DIP2B: variants seen among roughly 807,000 people sequenced by gnomAD.
DIP2B encodes the protein DIP2 acetate--CoA ligase B (putative).
In DIP2B, 76 loss-of-function variants were observed where a neutral mutation model predicts 198.0. That is an observed-to-expected ratio of 0.38 (90% confidence interval 0.32 to 0.46). The LOEUF (loss-of-function observed/expected upper bound fraction) is 0.46, where lower values mean the gene tolerates loss of function less well. Among genes scored for constraint, DIP2B ranks in the 20% least tolerant of loss-of-function variants. The pLI is 0.99. For missense variants in DIP2B, 1,559 were observed against 1,978.4 expected, an observed-to-expected ratio of 0.79 and a Z score of 4.02; for synonymous variants, 701 against 739.1, an observed-to-expected ratio of 0.95 and a Z score of 0.84.
intron 1 of DIP2B, among the ~76,000 whole-genome samples, chr12:50,585,229 A>AT (rs1958760077): frequency 6.6e-6 from 1 of 152,190 alleles, no homozygotes; most frequent in African/African-American, 2.4e-5. Flanking sequence ...TTTCCAGCAA[A>AT]TATTGATTGA....
At chr12:50,511,402 CT>C (rs1195708515) in intron 1 of DIP2B, among the ~76,000 whole-genome samples, 1 of 143,252 alleles carries the variant, frequency 7.0e-6, no homozygotes, top group Non-Finnish European at 1.5e-5. Context: ...AGCGATTCTC[CT>C]GCCTCAGCCT....
rs565406278 is a variant in DIP2B, at chr12:50,735,213, A to G, written c.4101+83A>G. The G allele has an allele frequency of 6.0e-5, 90 of 1,492,470 alleles. No individual in the cohort carries two copies. In the East Asian group the frequency reaches 1.9e-3, roughly 31 times the overall value. 92.5% of individuals were successfully genotyped at this position (1,492,470 alleles called of 1,614,324 possible). On this transcript the variant is annotated intron_variant, in intron 34 of 37. Coordinates refer to ENST00000301180, the MANE Select transcript of DIP2B (RefSeq NM_173602.3). Reference sequence around the variant, plus strand: ...AAAGAAACCAGAAGCCATATAATATATTAGTGTCCAGGGCAAGCCTTAATT... The same window carrying G: ...AAAGAAACCAGAAGCCATATAATATGTTAGTGTCCAGGGCAAGCCTTAATT...
chr12:50,581,632 A>C (rs1246344680), intron 1 of DIP2B, among the ~76,000 whole-genome samples: 2 of 138,266 alleles, frequency 1.4e-5, no homozygotes, highest in Non-Finnish European at 3.0e-5. Flanking sequence ...TGCTACCCAC[A>C]TTCACCACAG....
intron 1 of DIP2B, among the ~76,000 whole-genome samples, chr12:50,592,135 T>C (rs1246146004): frequency 2.0e-5 from 3 of 152,138 alleles, no homozygotes; most frequent in African/African-American, 7.2e-5. Context: ...TGCCTTGGCC[T>C]CCCAAAGTGC....
chr12:50,513,911 C>T (rs557657443), intron 1 of DIP2B, among the ~76,000 whole-genome samples: 2 of 152,038 alleles, frequency 1.3e-5, no homozygotes, highest in African/African-American at 4.8e-5. Context: ...CTTCTTTTCC[C>T]TAGAGTTTAT....
chr12:50,545,914 T>C (rs553259128), intron 1 of DIP2B, among the ~76,000 whole-genome samples: 19 of 152,250 alleles, frequency 1.2e-4, no homozygotes, highest in Admixed American at 1.1e-3. Flanking sequence ...GGATTATAGC[T>C]GTGAGTCACT....
chr12:50,574,889 A>T (rs1382123570), intron 1 of DIP2B, among the ~76,000 whole-genome samples: 1 of 152,178 alleles, frequency 6.6e-6, no homozygotes, highest in Non-Finnish European at 1.5e-5. Context: ...GAACGATGGG[A>T]ATTTGTCCTT....
At chr12:50,611,744 C>T (rs1336904399) in intron 1 of DIP2B, among the ~76,000 whole-genome samples, 1 of 152,184 alleles carries the variant, frequency 6.6e-6, no homozygotes, top group Non-Finnish European at 1.5e-5. Flanking sequence ...AAGCCATTCC[C>T]TGGACCAGCA....
intron 1 of DIP2B, among the ~76,000 whole-genome samples, chr12:50,533,322 T>A (rs1377598728): frequency 6.6e-6 from 1 of 152,210 alleles, no homozygotes; most frequent in African/African-American, 2.4e-5. Flanking sequence ...TAGTCTTCAG[T>A]TGAAATTAAA....
chr12:50,596,233 A>C (rs539753127), intron 1 of DIP2B, among the ~76,000 whole-genome samples: 48 of 152,360 alleles, frequency 3.2e-4, no homozygotes, highest in African/African-American at 1.1e-3. Context: ...TAGAAGTATA[A>C]AAGTAAGAAT....
chr12:50,552,689 T>G (rs1045034117), intron 1 of DIP2B, among the ~76,000 whole-genome samples: 14 of 152,184 alleles, frequency 9.2e-5, no homozygotes, highest in African/African-American at 3.1e-4. Flanking sequence ...ATTTTGCTTT[T>G]GTTTCCTTTC....
intron 8 of DIP2B, chr12:50,679,870 T>G (rs368202594): frequency 6.6e-6 from 1 of 152,234 alleles, no homozygotes; most frequent in African/African-American, 2.4e-5. Flanking sequence ...TTGAGTCATG[T>G]TTTTGCTTTG....
intron 1 of DIP2B, among the ~76,000 whole-genome samples, chr12:50,583,821 C>T (rs925035664): frequency 2.0e-5 from 3 of 152,054 alleles, no homozygotes; most frequent in African/African-American, 7.2e-5. Context: ...ACTTTTTTCT[C>T]CCCATGACAG....
chr12:50,519,899 A>T (rs1392456831), intron 1 of DIP2B, among the ~76,000 whole-genome samples: 2 of 149,534 alleles, frequency 1.3e-5, no homozygotes, highest in Non-Finnish European at 3.0e-5. Flanking sequence ...CATCTGCAAG[A>T]TTTTTTTTTC....
At chr12:50,684,138 T>TGGGGGCATACTTGACTTTC (rs1337937181) in intron 10 of DIP2B, among the ~76,000 whole-genome samples, 11 of 152,088 alleles carry the variant, frequency 7.2e-5, no homozygotes, top group Non-Finnish European at 4.4e-5. Context: ...TAAAATATCA[T>TGGGGGCATACTTGACTTTC]GGGGGCATAC....
chr12:50,507,224 C>T (rs766976132), intron 1 of DIP2B, among the ~76,000 whole-genome samples: 1 of 152,160 alleles, frequency 6.6e-6, no homozygotes, highest in Non-Finnish European at 1.5e-5. Context: ...GAATTTGTTT[C>T]TTATAGATAT....
rs371545960 is a variant in DIP2B, at chr12:50,526,697, C to T, written c.100+21457C>T. 2.1e-4 allele frequency among the ~76,000 whole-genome samples: 15 copies of T among 71,486 alleles called. No individual in the cohort carries two copies. The Admixed American group carries it at 2.7e-3, about 13-fold the overall frequency. 46.9% of individuals were successfully genotyped at this position (71,486 alleles called of 152,430 possible). On this transcript the variant is annotated intron_variant, in intron 1 of 37. Coordinates refer to ENST00000301180, the MANE Select transcript of DIP2B (RefSeq NM_173602.3). Reference sequence around the variant, plus strand: ...TGTTGCCCAGGCTGGAGTGCAATGGCGCGATCTCGGCTCACTGCAACCTCT... The same window carrying T: ...TGTTGCCCAGGCTGGAGTGCAATGGTGCGATCTCGGCTCACTGCAACCTCT...
intron 25 of DIP2B, among the ~76,000 whole-genome samples, chr12:50,720,415 C>T (rs1188025145): frequency 6.6e-6 from 1 of 150,406 alleles, no homozygotes. Context: ...CCTCCATCCC[C>T]CTGGAATCTG....
Position 50,741,554 on chromosome 12 carries a change from A to G in DIP2B, c.4478+15A>G, listed in dbSNP as rs765569962. On this transcript the variant is annotated intron_variant, in intron 37 of 37. Coordinates refer to ENST00000301180, the MANE Select transcript of DIP2B (RefSeq NM_173602.3). Reference sequence around the variant, plus strand: ...ATTGCTGAATGGTAACTCCCTCAGCATACACTGTGCTTCCCACTTCAGCTT... The same window carrying G: ...ATTGCTGAATGGTAACTCCCTCAGCGTACACTGTGCTTCCCACTTCAGCTT... 4 of 1,609,124 alleles carry G rather than the reference A, an allele frequency of 2.5e-6. No individual in the cohort carries two copies. The African/African-American group carries it at 5.3e-5, about 21-fold the overall frequency.
Sources: allele counts gnomAD v4.1 joint callset (sites outside exome capture counted in the v4.1 genomes callset), GRCh38; gene constraint gnomAD v4.1.1; transcripts MANE v1.5; gene names NCBI Gene and HGNC (gene_info 2026-07-23, HGNC 2026-07-21).